Variants in PRSS12 observed in about 807,000 individuals in gnomAD.
The protein encoded by PRSS12 is serine protease 12, also known as neurotrypsin.
PRSS12 carries 85 observed loss-of-function variants against 104.4 expected under a neutral mutation model. That is an observed-to-expected ratio of 0.81 (90% CI 0.68 to 0.98). The LOEUF is 0.98. Ranked by LOEUF, PRSS12 falls within the 50% of genes least tolerant of loss-of-function variation. The pLI, the probability that PRSS12 is intolerant of heterozygous loss-of-function variation, is 0.00. For missense variants in PRSS12, 1,141 were observed against 1,139.2 expected, an observed-to-expected ratio of 1.00 and a Z score of -0.02; for synonymous variants, 454 against 425.2, an observed-to-expected ratio of 1.07 and a Z score of -0.83.
intron 12 of PRSS12, among the ~76,000 whole-genome samples, chr4:118,282,582 C>T (rs1477155781): frequency 2.6e-5 from 4 of 152,286 alleles, no homozygotes; most frequent in Non-Finnish European, 4.4e-5. Context: ...ATGCTGGTTT[C>T]GCATTAGCAC....
In PRSS12 at chr4:118,280,779, TAGG is replaced by T. The variant is rs1742826091; in HGVS notation, c.*1154_*1156del. On this transcript the variant is annotated 3_prime_UTR_variant, in exon 13 of 13. Transcript: ENST00000296498. ...GCCATAGGGAAACCAATCATTTAGGTAGGAGAACCATGGGGAAAAAAATCAGCA... is the reference window on the plus strand; with the variant it reads ...GCCATAGGGAAACCAATCATTTAGGTAGAACCATGGGGAAAAAAATCAGCA... 1 of 152,202 alleles carries T rather than the reference TAGG, an allele frequency of 6.6e-6. No individual in the cohort carries two copies. Among genetic ancestry groups the T allele is most frequent in the South Asian group, 2.1e-4 (1 of 4,832 alleles). The allele number at this position is 152,202 out of a possible 1,614,324, so 9.4% of individuals were successfully genotyped here.
At position 118,337,579 on chromosome 4, in the gene PRSS12, G is replaced by A. The variant is rs369029779; in HGVS notation, c.641+597C>T. The stretch of plus-strand genomic sequence containing the variant: ...CTCAGGACAGCAGGACACTGCCAGA[G>A]CTAACAGAAGCTGCCATCTTCCACA... On this transcript the variant is annotated intron_variant, in intron 2 of 12. Coordinates refer to ENST00000296498, the MANE Select transcript of PRSS12 (RefSeq NM_003619.4). Among the ~76,000 whole-genome samples the A allele has an allele frequency of 2.6e-5, 4 of 152,180 alleles. No homozygotes were observed. In the East Asian group the frequency reaches 5.8e-4, roughly 22 times the overall value.
chr4:118,321,261 A>T (rs998823703), intron 4 of PRSS12, among the ~76,000 whole-genome samples: 28 of 152,230 alleles, frequency 1.8e-4, no homozygotes, highest in African/African-American at 6.8e-4. Flanking sequence ...TAAATGCTTA[A>T]TTAATAGGAT....
rs751335730 is a variant in PRSS12, at chr4:118,316,246, T to C, written c.1228A>G (p.Thr410Ala). Residue 410 changes from threonine (T) to alanine (A), a missense_variant, in exon 6 of 13, where the codon ACT (threonine) becomes GCT (alanine). By Grantham distance (58) the Thr-to-Ala change is moderately conservative. Coordinates refer to ENST00000296498, the MANE Select transcript of PRSS12 (RefSeq NM_003619.4). ...TCAGTCCAGCCATCATCACAGACAG[T>C]TCCCCACTGGCCTCTGTAATATACC... ...LEVYYRGQWG[T>A]VCDDGWTELN... The C allele has an allele frequency of 1.2e-6, 2 of 1,614,054 alleles. No individual in the cohort carries two copies. Among genetic ancestry groups the C allele is most frequent in the East Asian group, 4.5e-5 (2 of 44,866 alleles).
At chr4:118,309,940 T>C (rs918080019) in intron 7 of PRSS12, among the ~76,000 whole-genome samples, 7 of 152,162 alleles carry the variant, frequency 4.6e-5, no homozygotes, top group African/African-American at 1.7e-4. Flanking sequence ...AGTTGTTGGC[T>C]CCCCAGTCTC....
At chr4:118,331,237 T>C (rs971933429) in intron 4 of PRSS12, among the ~76,000 whole-genome samples, 6 of 152,202 alleles carry the variant, frequency 3.9e-5, no homozygotes, top group Non-Finnish European at 5.9e-5. Flanking sequence ...TGACATAGGC[T>C]TCCTTTCCAA....
At chr4:118,308,363 C>T in intron 8 of PRSS12, 73 bp downstream of exon 8, 1 of 1,581,378 alleles carries the variant, frequency 6.3e-7, no homozygotes, top group Non-Finnish European at 8.7e-7. Context: ...TAAAAAGTAA[C>T]TCATTAGATT....
At chr4:118,286,727 T>C (rs544054219) in intron 11 of PRSS12, among the ~76,000 whole-genome samples, 1 of 152,308 alleles carries the variant, frequency 6.6e-6, no homozygotes, top group African/African-American at 2.4e-5. Flanking sequence ...AGAGATCTTA[T>C]CAATTACCAT....
chr4:118,347,146 T>C (rs1724377011), intron 1 of PRSS12, among the ~76,000 whole-genome samples: 1 of 152,180 alleles, frequency 6.6e-6, no homozygotes, highest in African/African-American at 2.4e-5. Flanking sequence ...ATTTGACATC[T>C]GCCTTAGTCT....
chr4:118,286,119 G>A (rs755019659), intron 11 of PRSS12, among the ~76,000 whole-genome samples: 1 of 152,100 alleles, frequency 6.6e-6, no homozygotes, highest in Non-Finnish European at 1.5e-5. Context: ...TGGACTTGCC[G>A]CTTCAAGTTT....
At chr4:118,293,717 A>T (rs925595943) in intron 11 of PRSS12, among the ~76,000 whole-genome samples, 1 of 152,198 alleles carries the variant, frequency 6.6e-6, no homozygotes, top group Non-Finnish European at 1.5e-5. Context: ...CAAAAAATTT[A>T]AAATTTTGAT....
At position 118,335,484 on chromosome 4, in the gene PRSS12, C is replaced by T. The variant is rs1377010316; in HGVS notation, c.809G>A (p.Ser270Asn). Residue 270 changes from serine (S) to asparagine (N), a missense_variant, in exon 3 of 13, where the codon AGC becomes AAC. Transcript: ENST00000296498. ...TTTCTTTTTTTTACCATGGGAAAAG[C>T]TACACGTGACAGCAGCTGCCATCTT... Reference protein sequence around the residue: ...PQKMAAAVTCSFSHGPTFPII... With the variant: ...PQKMAAAVTCNFSHGPTFPII... 1 of 1,613,774 alleles carries T rather than the reference C, an allele frequency of 6.2e-7. No individual in the cohort carries two copies. The highest frequency in any genetic ancestry group is 1.1e-5 in the South Asian group (1 of 91,058).
Position 118,352,646 on chromosome 4 carries a change from G to T in PRSS12, c.75C>A (p.Leu25=). ...GGTGGCTGTGGTGGAGGGAATCATT[G>T]AGGACAGAATCAAAGCCGACCACTT... ...LPEVVGFDSV[L]NDSLHHSHRH... is the part of the protein sequence containing the mutation. Residue 25 remains leucine (L), a synonymous_variant, in exon 1 of 13, where the codon CTC becomes CTA. Transcript: ENST00000296498. 1 of 1,613,288 alleles carries T rather than the reference G, an allele frequency of 6.2e-7. No individual in the cohort carries two copies. Among genetic ancestry groups the T allele is most frequent in the Non-Finnish European group, 8.5e-7 (1 of 1,179,606 alleles).
At chr4:118,343,756 G>A (rs1423015720) in intron 1 of PRSS12, among the ~76,000 whole-genome samples, 1 of 151,970 alleles carries the variant, frequency 6.6e-6, no homozygotes, top group Non-Finnish European at 1.5e-5. Context: ...ACCCTGTGGG[G>A]GGAAAAAATG....
chr4:118,298,140 CAAAA>C lies in PRSS12; in HGVS notation c.1837+589_1837+592del, dbSNP rs889038925. Among the ~76,000 whole-genome samples, 19 of 59,496 alleles carry C rather than the reference CAAAA, an allele frequency of 3.2e-4. No homozygotes were observed. The Admixed American group carries it at 3.2e-3, about 10-fold the overall frequency. The allele number at this position is 59,496 out of a possible 152,430, so 39.0% of individuals were successfully genotyped here. On this transcript the variant is annotated intron_variant, in intron 9 of 12. Coordinates refer to ENST00000296498, the MANE Select transcript of PRSS12 (RefSeq NM_003619.4). Reference sequence around the variant, plus strand: ...GTGACAGAGCAAGACTCCGTCTCAACAAAAAAAAAAAAAAAAAAAATTAAATGTA... The same window carrying C: ...GTGACAGAGCAAGACTCCGTCTCAACAAAAAAAAAAAAAAAATTAAATGTA...
chr4:118,328,203 A>T (rs1027738249), intron 4 of PRSS12, among the ~76,000 whole-genome samples: 4 of 152,240 alleles, frequency 2.6e-5, no homozygotes, highest in African/African-American at 9.6e-5. Flanking sequence ...CTTATGAGAG[A>T]ACTATAAAAT....
chr4:118,346,826 T>A (rs1178727136), intron 1 of PRSS12, among the ~76,000 whole-genome samples: 1 of 152,194 alleles, frequency 6.6e-6, no homozygotes, highest in Non-Finnish European at 1.5e-5. Context: ...CTAGGTTGCA[T>A]GCTCCTTATG....
At chr4:118,338,378 G>A in intron 1 of PRSS12, 64 bp from the exon 2 acceptor site, 1 of 1,590,886 alleles carries the variant, frequency 6.3e-7, no homozygotes, top group Non-Finnish European at 8.6e-7. Context: ...TATTGAGCCA[G>A]TCCTGGGTTA....
chr4:118,312,022 G>A (rs902649554), intron 7 of PRSS12, among the ~76,000 whole-genome samples: 1 of 151,924 alleles, frequency 6.6e-6, no homozygotes, highest in Non-Finnish European at 1.5e-5. Flanking sequence ...CAAAAGAAGG[G>A]GCAAGGGAAA....
Sources: gnomAD v4.1 joint callset for allele counts (sites outside exome capture counted in the v4.1 genomes callset) on GRCh38, gnomAD v4.1.1 for gene constraint, MANE v1.5 for transcripts, NCBI Gene and HGNC (gene_info 2026-07-23, HGNC 2026-07-21) for gene names.